Variants in FAT1 observed in about 807,000 individuals in gnomAD.
The protein encoded by FAT1 is FAT atypical cadherin 1, also known as protocadherin Fat 1.
In FAT1, 171 loss-of-function variants were observed where a neutral mutation model predicts 329.8. That is an observed-to-expected ratio of 0.52 (90% CI 0.46 to 0.59). The LOEUF is 0.59. FAT1 is among the 20% of genes least tolerant of loss of function. The pLI is 0.00. For missense variants in FAT1, 5,672 were observed against 5,774.4 expected, an observed-to-expected ratio of 0.98 and a Z score of 0.57; for synonymous variants, 2,233 against 2,228.6, an observed-to-expected ratio of 1.00 and a Z score of -0.06.
chr4:186,683,730 G>A (rs577435771), intron 2 of FAT1, among the ~76,000 whole-genome samples: 12 of 151,918 alleles, frequency 7.9e-5, no homozygotes, highest in South Asian at 4.2e-4. Flanking sequence ...TCCAATACAC[G>A]ACTTCTCCCT....
At chr4:186,656,320 G>C (rs1274349163) in intron 3 of FAT1, among the ~76,000 whole-genome samples, 1 of 152,172 alleles carries the variant, frequency 6.6e-6, no homozygotes, top group Non-Finnish European at 1.5e-5. Context: ...AGTCCTGGAA[G>C]GGGCAGTCCT....
chr4:186,591,510 T>C (rs1490283012), intron 26 of FAT1, among the ~76,000 whole-genome samples: 2 of 152,268 alleles, frequency 1.3e-5, no homozygotes, highest in Non-Finnish European at 2.9e-5. Flanking sequence ...GCACTAGTAA[T>C]AGCTTTCAAC....
At position 186,597,968 on chromosome 4, in the gene FAT1, A is replaced by G. The variant is rs200661419; in HGVS notation, c.12257+4T>C. 3.1e-5 allele frequency: 50 copies of G among 1,595,776 alleles called. No homozygotes were observed. The highest frequency in any genetic ancestry group is 1.7e-4 in the Middle Eastern group (1 of 5,958). ...ATTATGAAAGTTAAGAAAAATACAC[A>G]TACCTCTGACCAGTATATAATCCTC... is the stretch of plus-strand genomic sequence containing the variant. On this transcript the variant is annotated splice_donor_region_variant and intron_variant, in intron 23 of 26. Transcript: ENST00000441802.
intron 26 of FAT1, among the ~76,000 whole-genome samples, chr4:186,594,808 C>T (rs1056982857): frequency 1.3e-5 from 2 of 150,252 alleles, no homozygotes; most frequent in African/African-American, 4.9e-5. Context: ...GTATTATGGA[C>T]TATATTACTC....
At position 186,708,618 on chromosome 4, in the gene FAT1, T is replaced by C. The variant is rs2126697794; in HGVS notation, c.1210A>G (p.Ser404Gly). The C allele has an allele frequency of 6.2e-7, 1 of 1,613,852 alleles. No individual in the cohort carries two copies. Among genetic ancestry groups the C allele is most frequent in the South Asian group, 1.1e-5 (1 of 91,078 alleles). The change falls in exon 2 of 27, where the codon AGT becomes GGT. Residue 404 changes from serine (S) to glycine (G), a missense_variant. Coordinates refer to ENST00000441802, the MANE Select transcript of FAT1 (RefSeq NM_005245.4). Reference sequence around the variant, plus strand: ...CTGAATTTAGCTTTTCCAGGTGTACTTTTAAAAACATACCTCAAATGGGAA... The same window carrying C: ...CTGAATTTAGCTTTTCCAGGTGTACCTTTAAAAACATACCTCAAATGGGAA... ...AYSHLRYVFK[S>G]TPGKAKFSLN...
rs567598137 is a variant in FAT1, at chr4:186,621,002, C to A, written c.5584G>T (p.Ala1862Ser). ...ATTACATGTACTGTTACATTCGCTG[C>A]ATACTCAGCAAATAAACGTGGGGTT... is the stretch of plus-strand genomic sequence containing the variant. ...MGTPRLFAEY[A>S]ANVTVHVIDI... Residue 1862 changes from alanine to serine, a missense_variant, in exon 10 of 27, where the codon GCA becomes TCA. Physicochemically the swap from Ala to Ser is moderately conservative, Grantham distance 99. Around this residue, in one of 2 missense-constraint regions of FAT1, gnomAD observed 3,966 missense variants for 3,915.2 expected, o/e 1.01. Transcript: ENST00000441802. The A allele has an allele frequency of 4.5e-5, 73 of 1,612,736 alleles. No homozygotes were observed. Among genetic ancestry groups the A allele is most frequent in the African/African-American group, 2.3e-4 (17 of 75,042 alleles).
chr4:186,604,088 C>T, intron 18 of FAT1, 111 bp from the exon 19 acceptor site: 1 of 803,626 alleles, frequency 1.2e-6, no homozygotes, highest in Non-Finnish European at 1.9e-6. Context: ...CTGGTAGATA[C>T]TCATTTCTCC....
chr4:186,666,908 T>C (rs1385032838), intron 2 of FAT1, among the ~76,000 whole-genome samples: 1 of 152,198 alleles, frequency 6.6e-6, no homozygotes, highest in Non-Finnish European at 1.5e-5. Flanking sequence ...ACCACAAATC[T>C]CATCTTCAGC....
In FAT1 at chr4:186,723,692, G is replaced by C. The variant is rs1745569802; in HGVS notation, c.-47C>G. ...AAAGTTGGCCCGAAGTGGCGACGGC[G>C]CTCTCGTGGAGCTCACCCGCCGTCT... On this transcript the variant is annotated 5_prime_UTR_variant, in exon 1 of 27. Coordinates refer to ENST00000441802, the MANE Select transcript of FAT1 (RefSeq NM_005245.4). 1 of 151,088 alleles carries C rather than the reference G, an allele frequency of 6.6e-6. No homozygotes were observed. Among genetic ancestry groups the C allele is most frequent in the East Asian group, 2.0e-4 (1 of 5,044 alleles). The allele number at this position is 151,088 out of a possible 1,614,324, so 9.4% of individuals were successfully genotyped here.
chr4:186,720,013 A>T (rs981476769), intron 1 of FAT1, among the ~76,000 whole-genome samples: 1 of 152,190 alleles, frequency 6.6e-6, no homozygotes, highest in Admixed American at 6.5e-5. Flanking sequence ...AAGACCTTTG[A>T]TAATCTAACC....
rs771332300 is a variant in FAT1, at chr4:186,613,263, T to C, written c.9309A>G (p.Gly3103=). 32 of 1,613,856 alleles carry C rather than the reference T, an allele frequency of 2.0e-5. No homozygotes were observed. In the South Asian group the frequency reaches 3.5e-4, roughly 18 times the overall value. ...CAATACTGGCTTGGCAGAATCTTCCTCCTCCATCTGTGGCCCTGACGAGAA... is the reference window on the plus strand; with the variant it reads ...CAATACTGGCTTGGCAGAATCTTCCCCCTCCATCTGTGGCCCTGACGAGAA... ...YHLLVRATDG[G]GRFCQASIVL... is the part of the protein sequence containing the mutation. The change falls in exon 13 of 27, where the codon GGA becomes GGG. Residue 3103 remains glycine, a synonymous_variant. Coordinates refer to ENST00000441802, the MANE Select transcript of FAT1 (RefSeq NM_005245.4).
chr4:186,692,714 C>T (rs1270602208), intron 2 of FAT1, among the ~76,000 whole-genome samples: 1 of 151,132 alleles, frequency 6.6e-6, no homozygotes, highest in African/African-American at 2.5e-5. Flanking sequence ...TCTATTTCCA[C>T]GCCCCCCAGT....
Position 186,596,483 on chromosome 4 carries a change from G to T in FAT1, c.13000+57C>A. ...CACACATTTTGACTGGACAGAATTT[G>T]TAACCTCACTGTTTATCTCAAGTGA... On this transcript the variant is annotated intron_variant, in intron 25 of 26. Coordinates refer to ENST00000441802, the MANE Select transcript of FAT1 (RefSeq NM_005245.4). The surrounding 1 kb of genome is among the most constrained non-coding windows in gnomAD (Gnocchi z 4.7). The T allele has an allele frequency of 6.5e-7, 1 of 1,542,114 alleles. No individual in the cohort carries two copies. Among genetic ancestry groups the T allele is most frequent in the South Asian group, 1.3e-5 (1 of 79,792 alleles).
rs370665330 is a variant in FAT1 at position 186,602,890 on chromosome 4, A to G, written c.11482+13T>C. 35 of 1,606,804 alleles carry G rather than the reference A, an allele frequency of 2.2e-5. No homozygotes were observed. Among genetic ancestry groups the G allele is most frequent in the Non-Finnish European group, 2.7e-5 (32 of 1,176,110 alleles). On this transcript the variant is annotated intron_variant, in intron 20 of 26. Coordinates refer to ENST00000441802, the MANE Select transcript of FAT1 (RefSeq NM_005245.4). ...TTTAAAAATAAAAGTATACCCAACC[A>G]TTCAACTCTCACCTGGGCACTGACC...
intron 9 of FAT1, among the ~76,000 whole-genome samples, chr4:186,627,286 TA>T (rs1438884017): frequency 6.9e-6 from 1 of 145,572 alleles, no homozygotes; most frequent in Non-Finnish European, 1.5e-5. Context: ...ACCTGGCACA[TA>T]AAGCGAGCTT....
chr4:186,624,415 A>G (rs1295556757), intron 9 of FAT1, among the ~76,000 whole-genome samples: 1 of 152,178 alleles, frequency 6.6e-6, no homozygotes, highest in Non-Finnish European at 1.5e-5. Flanking sequence ...TCTCAAGGCA[A>G]TTACTTAAGT....
Position 186,617,123 on chromosome 4 carries a change from C to T in FAT1, c.8957G>A (p.Arg2986Lys), listed in dbSNP as rs1039019727. 19 of 1,613,722 alleles carry T rather than the reference C, an allele frequency of 1.2e-5. No individual in the cohort carries two copies. The African/African-American group carries it at 2.0e-4, about 17-fold the overall frequency. Reference protein sequence around the residue: ...WKVYVKKPLDREKRDNYLLTI... With the variant: ...WKVYVKKPLDKEKRDNYLLTI... ...AAGAAGGTAATTGTCCCTTTTTTCC[C>T]TGTCTAGAGGTTTCTTCACATATAC... The change falls in exon 11 of 27, where the codon AGG (arginine) becomes AAG (lysine). Residue 2986 changes from arginine to lysine, a missense_variant. Arg to Lys is a conservative substitution (Grantham distance 26). Coordinates refer to ENST00000441802, the MANE Select transcript of FAT1 (RefSeq NM_005245.4).
rs2126413114 is a variant in FAT1, at chr4:186,600,180, G to A, written c.11821C>T (p.Leu3941=). Residue 3941 remains leucine (L), a synonymous_variant, in exon 22 of 27, where the codon CTG becomes TTG. Coordinates refer to ENST00000441802, the MANE Select transcript of FAT1 (RefSeq NM_005245.4). ...TAGTTATCCAGGTTCAGGGTTTTCA[G>A]AGTCCCTGGGGCTGTGCCCGATGCA... ...HTASGTAPGT[L]KTLNLDNYVF... is the part of the protein sequence containing the mutation. 6.2e-7 allele frequency: 1 copy of A among 1,614,078 alleles called. No homozygotes were observed. Among genetic ancestry groups the A allele is most frequent in the Non-Finnish European group, 8.5e-7 (1 of 1,179,904 alleles).
At chr4:186,589,427 T>C (rs543409742) in intron 26 of FAT1, among the ~76,000 whole-genome samples, 1 of 152,298 alleles carries the variant, frequency 6.6e-6, no homozygotes, top group East Asian at 1.9e-4. Flanking sequence ...GCTCTAGTTC[T>C]AAAATGTGGA....
Sources: gnomAD v4.1 joint callset for allele counts (sites outside exome capture counted in the v4.1 genomes callset) on GRCh38, gnomAD v4.1.1 for gene constraint, gnomAD v4.1.1 regional missense constraint, Gnocchi (gnomAD v3.1) non-coding constraint, MANE v1.5 for transcripts, NCBI Gene and HGNC (gene_info 2026-07-23, HGNC 2026-07-21) for gene names.